ADRA1A: variants seen among roughly 807,000 people sequenced by gnomAD.
ADRA1A encodes alpha-1A adrenergic receptor.
Under a neutral mutation model 29.6 loss-of-function variants are expected in ADRA1A, and 31 were observed. That is an observed-to-expected ratio of 1.05 (90% confidence interval 0.79 to 1.41). The LOEUF is 1.41. ADRA1A is among the 40% of genes most tolerant of loss of function. The pLI is 0.00. For missense variants in ADRA1A, 619 were observed against 601.1 expected (o/e 1.03, Z -0.31); for synonymous variants, 311 against 254.3 (o/e 1.22, Z -2.12).
Position 26,848,412 on chromosome 8 carries a change from ATGCCC to A in ADRA1A, c.883+15670_883+15674del. On this transcript the variant is annotated intron_variant, in intron 2 of 2. Coordinates refer to ENST00000380573, the MANE Select transcript of ADRA1A (RefSeq NM_000680.4). This position sits in a 1 kb window ranked among gnomAD's most constrained non-coding sequence, Gnocchi z 4.3. The stretch of plus-strand genomic sequence containing the variant: ...AGGGTGAACCCTCATAATGAGATTC[ATGCCC>A]TTATACAAAGAGGAAGGTACCAGAG... Among the ~76,000 whole-genome samples, 1 of 152,306 alleles carries A rather than the reference ATGCCC, an allele frequency of 6.6e-6. No individual in the cohort carries two copies. Among genetic ancestry groups the A allele is most frequent in the South Asian group, 2.1e-4 (1 of 4,826 alleles).
At chr8:26,847,893 T>C (rs1249941566) in intron 2 of ADRA1A, among the ~76,000 whole-genome samples, 1 of 152,196 alleles carries the variant, frequency 6.6e-6, no homozygotes, top group East Asian at 1.9e-4. Flanking sequence ...GGACGCAGGG[T>C]TCCCTGGCTG....
At chr8:26,752,075 GT>G (rs148226502), downstream of ADRA1A, among the ~76,000 whole-genome samples, 5 of 149,064 alleles carry the variant, frequency 3.4e-5, no homozygotes, top group Non-Finnish European at 6.0e-5. Flanking sequence ...TGGCAATTTT[GT>G]TTTTTTTTTC....
intron 2 of ADRA1A, among the ~76,000 whole-genome samples, chr8:26,781,918 T>C (rs888116480): frequency 6.6e-6 from 1 of 152,078 alleles, no homozygotes; most frequent in Admixed American, 6.5e-5. Context: ...CACAGGTGAG[T>C]TGGCTGATGC....
At chr8:26,853,278 A>G (rs1812769012) in intron 2 of ADRA1A, among the ~76,000 whole-genome samples, 1 of 152,190 alleles carries the variant, frequency 6.6e-6, no homozygotes, top group South Asian at 2.1e-4. Context: ...TCCCAACATC[A>G]TTGTTTAATC....
intron 2 of ADRA1A, among the ~76,000 whole-genome samples, chr8:26,783,926 G>C (rs1807179772): frequency 6.6e-6 from 1 of 152,078 alleles, no homozygotes; most frequent in Admixed American, 6.5e-5. Context: ...AACTAACGCA[G>C]GAACAGAAAA....
At chr8:26,808,277 G>C (rs914899305) in intron 2 of ADRA1A, among the ~76,000 whole-genome samples, 39 of 151,916 alleles carry the variant, frequency 2.6e-4, no homozygotes, top group Non-Finnish European at 1.5e-4. Context: ...ATACAACCTG[G>C]TCCTCTTTTC....
At chr8:26,837,342 G>A (rs1200182369) in intron 2 of ADRA1A, among the ~76,000 whole-genome samples, 1 of 152,088 alleles carries the variant, frequency 6.6e-6, no homozygotes, top group Non-Finnish European at 1.5e-5. Flanking sequence ...GTCAAATTAA[G>A]AGTCCTATTA....
At chr8:26,812,534 G>A (rs1809464626) in intron 2 of ADRA1A, among the ~76,000 whole-genome samples, 1 of 151,924 alleles carries the variant, frequency 6.6e-6, no homozygotes, top group Non-Finnish European at 1.5e-5. Context: ...TTTTGAGTGG[G>A]TAAAACTGAT....
chr8:26,773,637 T>C (rs1241245103), intron 2 of ADRA1A, among the ~76,000 whole-genome samples: 1 of 152,184 alleles, frequency 6.6e-6, no homozygotes. Context: ...AAAAAAAATA[T>C]GCACTATGAA....
At position 26,860,859 on chromosome 8, in the gene ADRA1A, G is replaced by T. The variant is rs1025060940; in HGVS notation, c.883+3228C>A. ...GTTCCCATCAGAATATAAATATCAT[G>T]TCATATCCCCACCTCCCACCATTGA... is the stretch of plus-strand genomic sequence containing the variant. On this transcript the variant is annotated intron_variant, in intron 2 of 2. Transcript: ENST00000380573. The surrounding 1 kb of genome is among the most constrained non-coding windows in gnomAD (Gnocchi z 4.7). 6.6e-6 allele frequency among the ~76,000 whole-genome samples: 1 copy of T among 152,010 alleles called. No individual in the cohort carries two copies. Among genetic ancestry groups the T allele is most frequent in the African/African-American group, 2.4e-5 (1 of 41,374 alleles).
In ADRA1A at chr8:26,831,845, C is replaced by A. The variant is rs574906247; in HGVS notation, c.883+32242G>T. 6.6e-6 allele frequency among the ~76,000 whole-genome samples: 1 copy of A among 152,352 alleles called. No individual in the cohort carries two copies. Among genetic ancestry groups the A allele is most frequent in the South Asian group, 2.1e-4 (1 of 4,828 alleles). ...TCATGGTCTCTGGGGCTGTCAGCAG[C>A]CACCGCCCCTGCGCTGTGGGCTCCC... is the stretch of plus-strand genomic sequence containing the variant. On this transcript the variant is annotated intron_variant, in intron 2 of 2. Coordinates refer to ENST00000380573, the MANE Select transcript of ADRA1A (RefSeq NM_000680.4). The surrounding 1 kb of genome is among the most constrained non-coding windows in gnomAD (Gnocchi z 5.2).
At position 26,770,461 on chromosome 8, in the gene ADRA1A, G is replaced by T. The variant is rs1474119444; in HGVS notation, c.1089C>A (p.Pro363=). The T allele has an allele frequency of 6.2e-7, 1 of 1,614,236 alleles. No homozygotes were observed. Among genetic ancestry groups the T allele is most frequent in the Admixed American group, 1.7e-5 (1 of 60,034 alleles). ...TGTGTTGCCCTTCCACGGCCTGGCT[G>T]GGCGGGTGCAGGGTGTAGCCCAGGG... The part of the protein sequence containing the change: ...KHALGYTLHP[P]SQAVEGQHKD... The change falls in exon 3 of 3, where the codon CCC becomes CCA. Residue 363 remains proline (P), a synonymous_variant. Coordinates refer to ENST00000380573, the MANE Select transcript of ADRA1A (RefSeq NM_000680.4).
Position 26,770,659 on chromosome 8 carries a change from GAAAGACCCTGGAAGA to G in ADRA1A, c.884-8_890del. On this transcript the variant is annotated splice_acceptor_variant and splice_polypyrimidine_tract_variant and coding_sequence_variant and intron_variant, in exon 3 of 3. Transcript: ENST00000380573. LOFTEE classifies it high-confidence loss of function. ...TTTCAGAGGGCTTGAAATCAGGGAA[GAAAGACCCTGGAAGA>G]AAACACACAGATTTATACATATTAT... The G allele has an allele frequency of 6.2e-7, 1 of 1,608,822 alleles. No individual in the cohort carries two copies. Among genetic ancestry groups the G allele is most frequent in the Non-Finnish European group, 8.5e-7 (1 of 1,177,390 alleles).
chr8:26,858,623 A>T (rs1813212539), intron 2 of ADRA1A, among the ~76,000 whole-genome samples: 1 of 152,206 alleles, frequency 6.6e-6, no homozygotes, highest in South Asian at 2.1e-4. Context: ...ATCAACAAAG[A>T]TGATTCATAG....
chr8:26,824,749 A>C (rs1012459542), intron 2 of ADRA1A, among the ~76,000 whole-genome samples: 4 of 152,166 alleles, frequency 2.6e-5, no homozygotes, highest in Non-Finnish European at 4.4e-5. Context: ...GAAAAGAAAA[A>C]ACACACACAT....
intron 2 of ADRA1A, among the ~76,000 whole-genome samples, chr8:26,791,256 T>C (rs1348895740): frequency 6.6e-6 from 1 of 152,198 alleles, no homozygotes; most frequent in Non-Finnish European, 1.5e-5. Flanking sequence ...TCCAGTTTCC[T>C]CTATTATAAA....
intron 2 of ADRA1A, among the ~76,000 whole-genome samples, chr8:26,788,209 AT>A (rs1807545070): frequency 6.6e-6 from 1 of 151,990 alleles, no homozygotes; most frequent in African/African-American, 2.4e-5. Flanking sequence ...TTTATTTGGG[AT>A]TTTTTTCAAG....
intron 2 of ADRA1A, among the ~76,000 whole-genome samples, chr8:26,832,195 C>T (rs1053644356): frequency 1.3e-5 from 2 of 152,156 alleles, no homozygotes; most frequent in East Asian, 1.9e-4. Context: ...CCAGGTGGGA[C>T]GCTCATGGTG....
At chr8:26,778,555 C>T (rs965261440) in intron 2 of ADRA1A, among the ~76,000 whole-genome samples, 1 of 152,006 alleles carries the variant, frequency 6.6e-6, no homozygotes, top group South Asian at 2.1e-4. Context: ...AAATGTCCAA[C>T]AATGATAGAC....
Sources: allele counts gnomAD v4.1 joint callset (sites outside exome capture counted in the v4.1 genomes callset), GRCh38; gene constraint gnomAD v4.1.1; non-coding constraint Gnocchi (gnomAD v3.1); transcripts MANE v1.5; gene names NCBI Gene and HGNC (gene_info 2026-07-23, HGNC 2026-07-21).